PTPRG: variants seen among roughly 807,000 people sequenced by gnomAD.
PTPRG encodes the protein protein tyrosine phosphatase receptor type G.
Under a neutral mutation model 165.3 loss-of-function variants are expected in PTPRG, and 102 were observed. The observed-to-expected ratio is 0.62, with a 90% CI of 0.53 to 0.73. The LOEUF (loss-of-function observed/expected upper bound fraction) is 0.73, where lower values mean the gene tolerates loss of function less well. Among genes scored for constraint, PTPRG ranks in the 30% least tolerant of loss-of-function variants. The pLI is 0.00. For missense variants in PTPRG, 1,866 were observed against 1,861.4 expected, an observed-to-expected ratio of 1.00 and a Z score of -0.05; for synonymous variants, 675 against 669.5, an observed-to-expected ratio of 1.01 and a Z score of -0.13.
intron 1 of PTPRG, among the ~76,000 whole-genome samples, chr3:61,733,321 G>A (rs560040629): frequency 6.6e-6 from 1 of 152,130 alleles, no homozygotes; most frequent in Non-Finnish European, 1.5e-5. Context: ...GGTCCCAGTG[G>A]AGCTTCCTTT....
At chr3:61,646,215 C>T (rs1263539447) in intron 1 of PTPRG, among the ~76,000 whole-genome samples, 1 of 152,172 alleles carries the variant, frequency 6.6e-6, no homozygotes, top group East Asian at 1.9e-4. Flanking sequence ...AAGCAATCCT[C>T]CCACCTCAGC....
rs529828132 is a variant in PTPRG, at chr3:62,070,937, A to T, written c.520-7226A>T. Reference sequence around the variant, plus strand: ...GTACCCTAAAACTTAAAGTATAATTAAAAAAAAAAAGAAAAAAAAAGAAAA... The same window carrying T: ...GTACCCTAAAACTTAAAGTATAATTTAAAAAAAAAAGAAAAAAAAAGAAAA... On this transcript the variant is annotated intron_variant, in intron 4 of 29. Coordinates refer to ENST00000474889, the MANE Select transcript of PTPRG (RefSeq NM_002841.4). Among the ~76,000 whole-genome samples the T allele has an allele frequency of 2.2e-4, 28 of 125,606 alleles. No homozygotes were observed. The East Asian group carries it at 2.9e-3, about 13-fold the overall frequency. 82.4% of individuals were successfully genotyped at this position (125,606 alleles called of 152,430 possible).
intron 8 of PTPRG, among the ~76,000 whole-genome samples, chr3:62,177,668 C>A (rs1012189595): frequency 6.6e-6 from 1 of 152,142 alleles, no homozygotes; most frequent in Non-Finnish European, 1.5e-5. Context: ...ACACTTCAGT[C>A]CAGCAGCCAT....
At chr3:61,854,210 A>G (rs961743613) in intron 2 of PTPRG, among the ~76,000 whole-genome samples, 3 of 152,162 alleles carry the variant, frequency 2.0e-5, no homozygotes, top group African/African-American at 7.2e-5. Flanking sequence ...TAGTTACGTG[A>G]GACAATAACC....
chr3:61,682,026 G>A (rs1457411379), intron 1 of PTPRG, among the ~76,000 whole-genome samples: 1 of 151,908 alleles, frequency 6.6e-6, no homozygotes, highest in Non-Finnish European at 1.5e-5. Context: ...GTGCACACCT[G>A]TAATCCCAAC....
intron 8 of PTPRG, among the ~76,000 whole-genome samples, chr3:62,183,597 A>AT (rs1705748404): frequency 6.6e-6 from 1 of 151,934 alleles, no homozygotes; most frequent in Non-Finnish European, 1.5e-5. Context: ...ATGGCACAGA[A>AT]TGAAGGCCTT....
chr3:61,847,916 T>C (rs2036851224), intron 2 of PTPRG, among the ~76,000 whole-genome samples: 1 of 152,268 alleles, frequency 6.6e-6, no homozygotes, highest in Non-Finnish European at 1.5e-5. Flanking sequence ...AATTGCATTC[T>C]ATATAGAGAG....
chr3:61,764,539 G>A (rs900608799), intron 2 of PTPRG, among the ~76,000 whole-genome samples: 6 of 152,074 alleles, frequency 3.9e-5, no homozygotes, highest in Middle Eastern at 6.8e-3. Flanking sequence ...GCCTAGAGAG[G>A]GATTTAGGGG....
intron 2 of PTPRG, among the ~76,000 whole-genome samples, chr3:61,884,877 A>G (rs1397838964): frequency 2.0e-5 from 3 of 152,172 alleles, no homozygotes; most frequent in Admixed American, 2.0e-4. Flanking sequence ...TTCCTGACAG[A>G]TTTAAAATTC....
At chr3:61,965,900 G>A (rs567033446) in intron 2 of PTPRG, among the ~76,000 whole-genome samples, 20 of 152,338 alleles carry the variant, frequency 1.3e-4, no homozygotes, top group Middle Eastern at 3.4e-3. Flanking sequence ...TTATCACTGT[G>A]CTATGCATGA....
intron 4 of PTPRG, among the ~76,000 whole-genome samples, chr3:62,008,205 A>G (rs2041341450): frequency 6.6e-6 from 1 of 152,236 alleles, no homozygotes; most frequent in Admixed American, 6.5e-5. Context: ...TATTTCCACT[A>G]ATAACCAAAG....
At chr3:62,279,720 T>C (rs973610839) in intron 26 of PTPRG, among the ~76,000 whole-genome samples, 2 of 152,236 alleles carry the variant, frequency 1.3e-5, no homozygotes, top group Non-Finnish European at 2.9e-5. Flanking sequence ...AATAAAAATG[T>C]ACTTGGCAAT....
intron 2 of PTPRG, among the ~76,000 whole-genome samples, chr3:61,753,230 T>C (rs1391067215): frequency 2.0e-5 from 3 of 152,206 alleles, no homozygotes; most frequent in Non-Finnish European, 2.9e-5. Context: ...GACATAATAA[T>C]AGCAATGTAA....
intron 7 of PTPRG, among the ~76,000 whole-genome samples, chr3:62,159,043 T>A (rs745569353): frequency 1.1e-4 from 17 of 152,196 alleles, no homozygotes; most frequent in South Asian, 8.3e-4. Context: ...GATTGAAAGG[T>A]TTACGGCTCA....
At chr3:61,608,978 G>A (rs73096753) in intron 1 of PTPRG, among the ~76,000 whole-genome samples, 181 of 152,352 alleles carry the variant, frequency 1.2e-3, no homozygotes, top group Non-Finnish European at 1.9e-3. Context: ...AGCATGAGGA[G>A]TGGCAGGAGT....
chr3:62,174,398 C>G (rs976245470), intron 8 of PTPRG, among the ~76,000 whole-genome samples: 4 of 152,222 alleles, frequency 2.6e-5, no homozygotes, highest in Non-Finnish European at 5.9e-5. Context: ...TGCATACCCT[C>G]TAGGCTCCTA....
intron 2 of PTPRG, among the ~76,000 whole-genome samples, chr3:61,980,574 T>C: frequency 6.6e-6 from 1 of 152,208 alleles, no homozygotes; most frequent in East Asian, 1.9e-4. Context: ...CTTTATAATT[T>C]GACATTTTCG....
intron 2 of PTPRG, among the ~76,000 whole-genome samples, chr3:61,811,125 A>G (rs1041591493): frequency 2.5e-4 from 38 of 151,994 alleles, no homozygotes; most frequent in African/African-American, 8.2e-4. Context: ...TGCTGTGGAC[A>G]TCTCACTTCT....
chr3:62,121,701 C>T (rs994999946), intron 5 of PTPRG, among the ~76,000 whole-genome samples: 3 of 152,224 alleles, frequency 2.0e-5, no homozygotes, highest in African/African-American at 7.2e-5. Context: ...CACCCTCTCC[C>T]CTACTGGGAC....
Sources: gnomAD v4.1 joint callset for allele counts (sites outside exome capture counted in the v4.1 genomes callset) on GRCh38, gnomAD v4.1.1 for gene constraint, MANE v1.5 for transcripts, NCBI Gene and HGNC (gene_info 2026-07-23, HGNC 2026-07-21) for gene names.